UNC5D: variants seen among roughly 807,000 people sequenced by gnomAD.
The protein encoded by UNC5D is netrin receptor UNC5D.
UNC5D carries 39 observed loss-of-function variants against 105.4 expected under a neutral mutation model. The observed-to-expected ratio is 0.37, with a 90% CI of 0.29 to 0.48. The LOEUF (loss-of-function observed/expected upper bound fraction) is 0.48. Among genes scored for constraint, UNC5D ranks in the 20% least tolerant of loss-of-function variants. UNC5D has a pLI of 0.98. For missense variants in UNC5D, 991 were observed against 1,202.4 expected, an observed-to-expected ratio of 0.82 and a Z score of 2.60; for synonymous variants, 452 against 450.4, an observed-to-expected ratio of 1.00 and a Z score of -0.04.
At chr8:35,664,972 T>A (rs1824334319) in intron 4 of UNC5D, among the ~76,000 whole-genome samples, 1 of 152,160 alleles carries the variant, frequency 6.6e-6, no homozygotes, top group East Asian at 1.9e-4. Flanking sequence ...TAGCTGGGAC[T>A]GCAGATGTGC....
At chr8:35,714,368 C>T (rs1038207998) in intron 8 of UNC5D, among the ~76,000 whole-genome samples, 11 of 152,050 alleles carry the variant, frequency 7.2e-5, no homozygotes, top group Non-Finnish European at 1.3e-4. Context: ...TTTTGCCCAG[C>T]GAGCAGGAAG....
chr8:35,487,925 G>T (rs574048282), intron 1 of UNC5D, among the ~76,000 whole-genome samples: 28 of 152,250 alleles, frequency 1.8e-4, no homozygotes, highest in South Asian at 1.7e-3. Context: ...TTTGTGGAAG[G>T]TACAATTTAT....
intron 1 of UNC5D, among the ~76,000 whole-genome samples, chr8:35,344,256 A>T (rs1465459418): frequency 1.3e-5 from 2 of 152,084 alleles, no homozygotes; most frequent in Non-Finnish European, 2.9e-5. Context: ...GACTGTACAC[A>T]TCAGACCCGG....
intron 4 of UNC5D, among the ~76,000 whole-genome samples, chr8:35,605,452 C>T (rs1820223552): frequency 6.6e-6 from 1 of 152,216 alleles, no homozygotes; most frequent in Non-Finnish European, 1.5e-5. Flanking sequence ...CAGTCCACCC[C>T]TACTGGGGGT....
intron 1 of UNC5D, among the ~76,000 whole-genome samples, chr8:35,479,419 G>T (rs1404155196): frequency 6.6e-6 from 1 of 152,082 alleles, no homozygotes; most frequent in Admixed American, 6.6e-5. Flanking sequence ...AAATAGATTT[G>T]TCCCAGCAAT....
chr8:35,534,484 T>C (rs1814682703), intron 1 of UNC5D, among the ~76,000 whole-genome samples: 1 of 151,964 alleles, frequency 6.6e-6, no homozygotes, highest in African/African-American at 2.4e-5. Context: ...CTTGTGTTGA[T>C]GGTTCTAGAT....
chr8:35,481,237 G>A (rs1810460457), intron 1 of UNC5D, among the ~76,000 whole-genome samples: 2 of 152,190 alleles, frequency 1.3e-5, no homozygotes, highest in South Asian at 4.1e-4. Flanking sequence ...ATGAGGCAGA[G>A]AATTTAGAGA....
At chr8:35,453,283 C>A (rs1391167467) in intron 1 of UNC5D, among the ~76,000 whole-genome samples, 1 of 152,032 alleles carries the variant, frequency 6.6e-6, no homozygotes, top group Non-Finnish European at 1.5e-5. Context: ...ACCAGTGAGA[C>A]CATCTGTGCA....
At chr8:35,609,093 A>G (rs916624849) in intron 4 of UNC5D, among the ~76,000 whole-genome samples, 7 of 152,158 alleles carry the variant, frequency 4.6e-5, no homozygotes, top group African/African-American at 1.7e-4. Context: ...TTTTAATAAT[A>G]GCCATTATGA....
intron 2 of UNC5D, among the ~76,000 whole-genome samples, chr8:35,554,552 G>A (rs748889596): frequency 2.0e-5 from 3 of 152,158 alleles, no homozygotes; most frequent in African/African-American, 2.4e-5. Context: ...ATGCAGTAAC[G>A]TAGAAATTAG....
intron 4 of UNC5D, among the ~76,000 whole-genome samples, chr8:35,646,111 T>C (rs1233112635): frequency 1.3e-5 from 2 of 152,276 alleles, no homozygotes; most frequent in South Asian, 2.1e-4. Flanking sequence ...ATGTAGCTCA[T>C]TGGCATGCAA....
chr8:35,586,665 C>A (rs1042695084), intron 3 of UNC5D, among the ~76,000 whole-genome samples: 4 of 152,122 alleles, frequency 2.6e-5, no homozygotes, highest in Admixed American at 1.3e-4. Context: ...GGCAAAGATT[C>A]AAAGCCTATT....
At chr8:35,759,228 C>G in intron 13 of UNC5D, 92 bp from the exon 14 acceptor site, 1 of 1,389,718 alleles carries the variant, frequency 7.2e-7, no homozygotes, top group East Asian at 2.3e-5. Context: ...GTGGAAGACA[C>G]ATGGTAGTGA....
chr8:35,708,657 C>G (rs1262195635), intron 8 of UNC5D, among the ~76,000 whole-genome samples: 1 of 152,142 alleles, frequency 6.6e-6, no homozygotes, highest in East Asian at 1.9e-4. Context: ...TTCTGAGTAG[C>G]AGCTGGTTTG....
rs189680475 is a variant in UNC5D at position 35,364,002 on chromosome 8, G to A, written c.103+128115G>A. Among the ~76,000 whole-genome samples, 50 of 152,104 alleles carry A rather than the reference G, an allele frequency of 3.3e-4. No individual in the cohort carries two copies. In the South Asian group the frequency reaches 3.7e-3, roughly 11 times the overall value. ...GTTTGAGACCAGCCTGGCCAACATG[G>A]CAACACTCTGCCTCTAATAAAAAAC... is the stretch of plus-strand genomic sequence containing the variant. On this transcript the variant is annotated intron_variant, in intron 1 of 16. Transcript: ENST00000404895.
At chr8:35,533,912 C>A (rs113429321) in intron 1 of UNC5D, among the ~76,000 whole-genome samples, 2 of 152,184 alleles carry the variant, frequency 1.3e-5, no homozygotes, top group Admixed American at 1.3e-4. Context: ...GGCTTGCGCA[C>A]GGTGCGCGCA....
At chr8:35,464,065 G>A (rs892956791) in intron 1 of UNC5D, among the ~76,000 whole-genome samples, 16 of 152,106 alleles carry the variant, frequency 1.1e-4, no homozygotes, top group African/African-American at 3.9e-4. Context: ...AGTAGCTCAC[G>A]CCTGTAATCC....
intron 11 of UNC5D, among the ~76,000 whole-genome samples, chr8:35,745,287 G>C (rs564659292): frequency 7.9e-5 from 12 of 152,262 alleles, no homozygotes; most frequent in Admixed American, 2.0e-4. Flanking sequence ...GGCACAAGGT[G>C]GGGTAAATCA....
intron 1 of UNC5D, among the ~76,000 whole-genome samples, chr8:35,385,744 C>T (rs990387904): frequency 7.2e-5 from 11 of 152,032 alleles, no homozygotes; most frequent in African/African-American, 1.2e-4. Context: ...GGATTACAGG[C>T]GTGAACCCCC....
Sources: allele counts gnomAD v4.1 joint callset (sites outside exome capture counted in the v4.1 genomes callset), GRCh38; gene constraint gnomAD v4.1.1; transcripts MANE v1.5; gene names NCBI Gene and HGNC (gene_info 2026-07-23, HGNC 2026-07-21).